Variants in ABLIM1 observed in about 807,000 individuals in gnomAD.
ABLIM1 encodes actin-binding LIM protein 1.
A neutral mutation model predicts 107.0 loss-of-function variants in ABLIM1; 40 were observed. That is an observed-to-expected ratio of 0.37 (90% CI 0.29 to 0.49). The LOEUF (loss-of-function observed/expected upper bound fraction) is 0.49, where lower values mean the gene tolerates loss of function less well. Ranked by LOEUF, ABLIM1 falls within the 20% of genes least tolerant of loss-of-function variation. ABLIM1 has a pLI of 0.97. For missense variants in ABLIM1, 857 were observed against 1,008.5 expected (o/e 0.85, Z 2.04); for synonymous variants, 357 against 357.3 (o/e 1.00, Z 0.01).
chr10:114,796,659 C>A, the ABLIM1 span, among the ~76,000 whole-genome samples: 3 of 152,192 alleles, frequency 2.0e-5, no homozygotes, highest in Non-Finnish European at 2.9e-5. Context: ...CACTCTCTGA[C>A]CCCAGTTTCC....
chr10:114,664,937 T>G (rs1591776471), intron 1 of ABLIM1, among the ~76,000 whole-genome samples: 1 of 149,424 alleles, frequency 6.7e-6, no homozygotes, highest in African/African-American at 2.4e-5. Flanking sequence ...GCTAACAAGG[T>G]GAAACCCCAT....
chr10:114,649,164 G>A lies in ABLIM1; in HGVS notation c.244+8793C>T, dbSNP rs575288488. Reference sequence around the variant, plus strand: ...TATAACCCCAGTGCTTTGGGAGGCCGAGGCGGGCAGGTCATTTGAGGTCAG... The same window carrying A: ...TATAACCCCAGTGCTTTGGGAGGCCAAGGCGGGCAGGTCATTTGAGGTCAG... On this transcript the variant is annotated intron_variant, in intron 1 of 22. Transcript: ENST00000533213. Among the ~76,000 whole-genome samples the A allele has an allele frequency of 5.9e-5, 9 of 152,126 alleles. 1 individual carries two copies. The South Asian group carries it at 1.0e-3, about 18-fold the overall frequency.
chr10:114,588,894 C>T (rs952771310), intron 2 of ABLIM1, among the ~76,000 whole-genome samples: 1 of 152,036 alleles, frequency 6.6e-6, no homozygotes, highest in Non-Finnish European at 1.5e-5. Flanking sequence ...AAACTTCCTG[C>T]CCTATGTCCA....
At chr10:114,796,099 T>G in the ABLIM1 span, among the ~76,000 whole-genome samples, 1 of 152,226 alleles carries the variant, frequency 6.6e-6, no homozygotes, top group African/African-American at 2.4e-5. Context: ...CACTTCATGT[T>G]GGCCACTAAC....
At chr10:114,721,118 C>T (rs1374331494) in intron 1 of ABLIM1, among the ~76,000 whole-genome samples, 1 of 152,090 alleles carries the variant, frequency 6.6e-6, no homozygotes, top group Admixed American at 6.5e-5. Flanking sequence ...GGCTGCCACA[C>T]TATTAATAGA....
intron 6 of ABLIM1, among the ~76,000 whole-genome samples, chr10:114,509,691 T>C (rs1392663718): frequency 6.6e-6 from 1 of 152,226 alleles, no homozygotes; most frequent in East Asian, 1.9e-4. Flanking sequence ...AATCTACCTG[T>C]CCAGTTTCAT....
chr10:114,772,824 CA>C (rs1036188974), upstream of ABLIM1, among the ~76,000 whole-genome samples: 2 of 151,808 alleles, frequency 1.3e-5, no homozygotes, highest in African/African-American at 2.4e-5. Flanking sequence ...TATAAAGTAA[CA>C]AAAAAATAAC....
At chr10:114,565,882 C>T (rs1323350024) in intron 4 of ABLIM1, among the ~76,000 whole-genome samples, 4 of 145,580 alleles carry the variant, frequency 2.7e-5, no homozygotes, top group Non-Finnish European at 6.0e-5. Context: ...GCAAGCTCCG[C>T]CTCCTGGGTT....
chr10:114,675,983 A>G (rs1566220927), intron 1 of ABLIM1, among the ~76,000 whole-genome samples: 1 of 152,078 alleles, frequency 6.6e-6, no homozygotes, highest in African/African-American at 2.4e-5. Flanking sequence ...GTTAAAGCCT[A>G]CCCTCATGAC....
rs116234845 is a variant in ABLIM1, at chr10:114,636,444, T to C, written c.244+21513A>G. On this transcript the variant is annotated intron_variant, in intron 1 of 22. Coordinates refer to ENST00000533213, the MANE Select transcript of ABLIM1 (RefSeq NM_002313.7). ...GCATTTCAAGGTACAGCATGATCTG[T>C]TTCCAACCATATTGCCTCCTGCCTC... Among the ~76,000 whole-genome samples, 498 of 152,330 alleles carry C rather than the reference T, an allele frequency of 3.3e-3. 1 individual carries two copies. Among genetic ancestry groups the C allele is most frequent in the African/African-American group, 0.011 (473 of 41,580 alleles).
intron 9 of ABLIM1, among the ~76,000 whole-genome samples, chr10:114,473,480 A>C (rs1590115137): frequency 6.6e-6 from 1 of 152,224 alleles, no homozygotes; most frequent in African/African-American, 2.4e-5. Flanking sequence ...AGAACTGCAT[A>C]ATTAATAAAC....
At chr10:114,678,303 C>G (rs1191619843) in intron 1 of ABLIM1, among the ~76,000 whole-genome samples, 1 of 152,226 alleles carries the variant, frequency 6.6e-6, no homozygotes, top group Admixed American at 6.5e-5. Flanking sequence ...TCTGACTGAA[C>G]TAACTACATT....
chr10:114,690,745 G>A (rs1053998808), intron 1 of ABLIM1: 6 of 339,578 alleles, frequency 1.8e-5, no homozygotes, highest in East Asian at 1.2e-4. Context: ...GCAGTGGTGC[G>A]ATCTCAGCTC....
intron 1 of ABLIM1, among the ~76,000 whole-genome samples, chr10:114,742,296 A>C (rs1425364545): frequency 6.6e-6 from 1 of 152,230 alleles, no homozygotes; most frequent in Non-Finnish European, 1.5e-5. Context: ...ATTTCACTGT[A>C]AACATTATAA....
At chr10:114,649,289 C>A (rs908028871) in intron 1 of ABLIM1, among the ~76,000 whole-genome samples, 1 of 151,656 alleles carries the variant, frequency 6.6e-6, no homozygotes, top group Non-Finnish European at 1.5e-5. Context: ...TAATCCTAGC[C>A]ACCCAGAAGG....
At chr10:114,781,998 C>G in the ABLIM1 span, among the ~76,000 whole-genome samples, 2 of 152,072 alleles carry the variant, frequency 1.3e-5, no homozygotes, top group Middle Eastern at 3.4e-3. Context: ...TCACTCCTTT[C>G]TTTACTAGTA....
At chr10:114,525,829 C>T (rs867156173) in intron 6 of ABLIM1, among the ~76,000 whole-genome samples, 14 of 152,250 alleles carry the variant, frequency 9.2e-5, no homozygotes, top group Middle Eastern at 3.4e-3. Flanking sequence ...GCCAAACTCA[C>T]GTTTTCTTTT....
chr10:114,603,432 G>A lies in ABLIM1; in HGVS notation c.245-1471C>T, dbSNP rs543063984. ...ATCTGTGTTCTCTGCAAGGGACCCT[G>A]GGAATGGCCACAAAGATACCAAGGT... On this transcript the variant is annotated intron_variant, in intron 1 of 22. Transcript: ENST00000533213. Among the ~76,000 whole-genome samples, 5 of 152,182 alleles carry A rather than the reference G, an allele frequency of 3.3e-5. No individual in the cohort carries two copies. The East Asian group carries it at 7.7e-4, about 24-fold the overall frequency.
chr10:114,643,937 C>CTTTCT (rs1289133050), intron 1 of ABLIM1, among the ~76,000 whole-genome samples: 40 of 151,912 alleles, frequency 2.6e-4, no homozygotes, highest in African/African-American at 8.5e-4. Context: ...TTTAAGATTT[C>CTTTCT]TACAGCATGT....
Sources: allele counts gnomAD v4.1 joint callset (sites outside exome capture counted in the v4.1 genomes callset), GRCh38; gene constraint gnomAD v4.1.1; transcripts MANE v1.5; gene names NCBI Gene and HGNC (gene_info 2026-07-23, HGNC 2026-07-21).